Variants in PTGS2 observed in about 807,000 individuals in gnomAD.
The protein encoded by PTGS2 is prostaglandin-endoperoxide synthase 2.
A neutral mutation model predicts 63.8 loss-of-function variants in PTGS2; 14 were observed. The observed-to-expected ratio is 0.22, with a 90% confidence interval of 0.14 to 0.34. The LOEUF is 0.34. PTGS2 is among the 10% of genes least tolerant of loss of function. The probability of loss-of-function intolerance (pLI) is 1.00; values close to 1 mark genes in which losing one functional copy is unlikely to be tolerated. For missense variants in PTGS2, 533 were observed against 738.5 expected (o/e 0.72, Z 3.23); for synonymous variants, 271 against 259.5 (o/e 1.04, Z -0.43).
chr1:186,680,103 A>C (rs1489356577), intron 1 of PTGS2, 136 bp downstream of exon 1: 17 of 1,351,698 alleles, frequency 1.3e-5, no homozygotes, highest in Non-Finnish European at 1.5e-5. Flanking sequence ...CTAGCGGTCC[A>C]AGCTCTTTCC....
intron 8 of PTGS2, 38 bp downstream of exon 8, chr1:186,675,860 A>T (rs779482949): frequency 6.4e-7 from 1 of 1,554,458 alleles, no homozygotes. Context: ...AAAGTTACTG[A>T]CTAGTCTTTT....
chr1:186,675,973 G>A lies in PTGS2; in HGVS notation c.1182C>T (p.Ile394=). ...GTTCCAGCAATATAGAGTTGTTGTAGATAAACTGTTGATAGTTGTATTTCT... is the reference window on the plus strand; with the variant it reads ...GTTCCAGCAATATAGAGTTGTTGTAAATAAACTGTTGATAGTTGTATTTCT... ...HDQKYNYQQF[I]YNNSILLEHG... is the part of the protein sequence containing the mutation. Residue 394 remains isoleucine, a synonymous_variant, in exon 8 of 10, where the codon ATC becomes ATT. Coordinates refer to ENST00000367468, the MANE Select transcript of PTGS2 (RefSeq NM_000963.4). 3 of 1,614,020 alleles carry A rather than the reference G, an allele frequency of 1.9e-6. No individual in the cohort carries two copies. The South Asian group carries it at 3.3e-5, about 18-fold the overall frequency.
intron 4 of PTGS2, 48 bp downstream of exon 4, chr1:186,678,213 C>A (rs201605778): frequency 6.7e-7 from 1 of 1,487,994 alleles, no homozygotes; most frequent in South Asian, 1.4e-5. Flanking sequence ...GGCAGCAATG[C>A]AGCCCGTCTT....
rs772624685 is a variant in PTGS2, at chr1:186,675,342, T to C, written c.1312A>G (p.Ile438Val). The C allele has an allele frequency of 3.1e-6, 5 of 1,614,108 alleles. No homozygotes were observed. In the East Asian group the frequency reaches 8.9e-5, roughly 29 times the overall value. Reference sequence around the variant, plus strand: ...TATTTCATCTGCCTGCTCTGGTCAATGGAAGCCTGTGATACTTTCTGTACT... The same window carrying C: ...TATTTCATCTGCCTGCTCTGGTCAACGGAAGCCTGTGATACTTTCTGTACT... ...PAVQKVSQAS[I>V]DQSRQMKYQS... Residue 438 changes from isoleucine (I) to valine (V), a missense_variant, in exon 9 of 10, where the codon ATT (isoleucine) becomes GTT (valine). Ile to Val is a conservative substitution (Grantham distance 29). Transcript: ENST00000367468.
intron 4 of PTGS2, 63 bp from the exon 5 acceptor site, chr1:186,677,893 G>C: frequency 6.9e-7 from 1 of 1,456,558 alleles, no homozygotes; most frequent in South Asian, 1.3e-5. Context: ...GATGGTGACT[G>C]TCAATCTACC....
Position 186,676,623 on chromosome 1 carries a change from C to T in PTGS2, c.814G>A (p.Ala272Thr). The T allele has an allele frequency of 6.2e-7, 1 of 1,614,156 alleles. No individual in the cohort carries two copies. The highest frequency in any genetic ancestry group is 8.5e-7 in the Non-Finnish European group (1 of 1,180,038). Residue 272 changes from alanine (A) to threonine (T), a missense_variant, in exon 7 of 10, where the codon GCT (alanine) becomes ACT (threonine). Ala to Thr is a moderately conservative substitution (Grantham distance 58). Coordinates refer to ENST00000367468, the MANE Select transcript of PTGS2 (RefSeq NM_000963.4). ...AGACCAAAGACCTCCTGCCCCACAG[C>T]AAACCGTAGATGCTCAGGGACTTGA... ...PPQVPEHLRF[A>T]VGQEVFGLVP...
Position 186,676,913 on chromosome 1 carries a change from C to T in PTGS2, c.643G>A (p.Asp215Asn). The T allele has an allele frequency of 1.2e-6, 2 of 1,602,152 alleles. No homozygotes were observed. Among genetic ancestry groups the T allele is most frequent in the Non-Finnish European group, 1.7e-6 (2 of 1,175,348 alleles). The change falls in exon 6 of 10, where the codon GAC becomes AAC. Residue 215 changes from aspartate (D) to asparagine (N), a missense_variant. Physicochemically the swap from Asp to Asn is conservative, Grantham distance 23. Transcript: ENST00000367468. ...GTTTCACCGTAAATATGATTTAAGT[C>T]CACCTAGAAAATGATGAAAAAATTT... is the stretch of plus-strand genomic sequence containing the variant. ...AFTNGLGHGV[D>N]LNHIYGETLA... is the part of the protein sequence containing the mutation.
intron 9 of PTGS2, 43 bp downstream of exon 9, chr1:186,675,206 A>C (rs1475411370): frequency 6.3e-7 from 1 of 1,596,716 alleles, no homozygotes; most frequent in Non-Finnish European, 8.5e-7. Context: ...ACAAAAACAA[A>C]CAAACAAACA....
intron 1 of PTGS2, 128 bp from the exon 2 acceptor site, chr1:186,679,566 A>G: frequency 2.8e-6 from 2 of 716,038 alleles, no homozygotes; most frequent in South Asian, 3.8e-5. Flanking sequence ...TCATGGAAAT[A>G]CAATTTTTTA....
In PTGS2 at chr1:186,677,630, G is replaced by A. The variant is rs375719557; in HGVS notation, c.639+19C>T. The A allele has an allele frequency of 1.3e-6, 2 of 1,577,878 alleles. No homozygotes were observed. The highest frequency in any genetic ancestry group is 1.7e-6 in the Non-Finnish European group (2 of 1,162,244). ...TTTGGTATAATTTTACTAACTCTAAGATATTAACTCTATCTTACCCCATGG... is the reference window on the plus strand; with the variant it reads ...TTTGGTATAATTTTACTAACTCTAAAATATTAACTCTATCTTACCCCATGG... On this transcript the variant is annotated intron_variant, in intron 5 of 9. Coordinates refer to ENST00000367468, the MANE Select transcript of PTGS2 (RefSeq NM_000963.4).
chr1:186,679,271 A>G (rs758937605), intron 2 of PTGS2, 51 bp downstream of exon 2: 15 of 1,613,024 alleles, frequency 9.3e-6, no homozygotes, highest in Middle Eastern at 1.6e-4. Flanking sequence ...CTATACAATG[A>G]TAACTGTATC....
rs1462305634 is a variant in PTGS2, at chr1:186,676,160, T to G, written c.995A>C (p.Glu332Ala). ...LIGETIKIVIEDYVQHLSGYH... is the reference protein window; with the variant it reads ...LIGETIKIVIADYVQHLSGYH... Reference sequence around the variant, plus strand: ...GCCACTCAAGTGTTGCACATAATCTTCAATCACAATCTTAATAGTCTCTCC... The same window carrying G: ...GCCACTCAAGTGTTGCACATAATCTGCAATCACAATCTTAATAGTCTCTCC... The change falls in exon 8 of 10, where the codon GAA (glutamate) becomes GCA (alanine). Residue 332 changes from glutamate to alanine, a missense_variant. Coordinates refer to ENST00000367468, the MANE Select transcript of PTGS2 (RefSeq NM_000963.4). The G allele has an allele frequency of 1.2e-6, 2 of 1,612,528 alleles. No homozygotes were observed. The highest frequency in any genetic ancestry group is 3.3e-5 in the Admixed American group (2 of 59,940).
chr1:186,677,155 A>G (rs775143480), intron 5 of PTGS2, among the ~76,000 whole-genome samples: 8 of 152,102 alleles, frequency 5.3e-5, no homozygotes, highest in African/African-American at 1.2e-4. Context: ...CTTATATCAT[A>G]TATATTATAT....
chr1:186,675,784 A>C, intron 8 of PTGS2, 114 bp downstream of exon 8: 1 of 1,089,324 alleles, frequency 9.2e-7, no homozygotes, highest in Non-Finnish European at 1.3e-6. Flanking sequence ...AAATAATTTT[A>C]CTAGCAATAT....
Position 186,674,461 on chromosome 1 carries a change from T to C in PTGS2, c.1707A>G (p.Pro569=). 1.2e-6 allele frequency: 2 copies of C among 1,614,186 alleles called. No individual in the cohort carries two copies. Among genetic ancestry groups the C allele is most frequent in the Middle Eastern group, 1.6e-4 (1 of 6,062 alleles). Residue 569 remains proline, a synonymous_variant, in exon 10 of 10, where the codon CCA becomes CCG. Coordinates refer to ENST00000367468, the MANE Select transcript of PTGS2 (RefSeq NM_000963.4). ...TGACTGTTTTAATGAGCTCTGGATCTGGAACACTGAATGAAGTAAAGGGAC... is the reference window on the plus strand; with the variant it reads ...TGACTGTTTTAATGAGCTCTGGATCCGGAACACTGAATGAAGTAAAGGGAC... ...KGCPFTSFSV[P]DPELIKTVTI... is the part of the protein sequence containing the mutation.
chr1:186,675,518 C>G (rs1665764102), intron 8 of PTGS2, 122 bp from the exon 9 acceptor site: 6 of 1,131,994 alleles, frequency 5.3e-6, no homozygotes, highest in Non-Finnish European at 7.4e-6. Flanking sequence ...TTTTTATTTG[C>G]TGGAAAGATG....
chr1:186,678,425 AATG>A (rs1299507509), intron 3 of PTGS2, 21 bp from the exon 4 acceptor site: 7 of 1,572,258 alleles, frequency 4.5e-6, no homozygotes. Flanking sequence ...CAAAGAAAAA[AATG>A]TTTTATTTAT....
In PTGS2 at chr1:186,675,929, A is replaced by G; in HGVS notation, c.1226T>C (p.Val409Ala). The part of the protein sequence containing the change: ...ILLEHGITQF[V>A]ESFTRQIAGR... ...AGCAATTTGCCTGGTGAATGATTCA[A>G]CAAACTGGGTAATTCCATGTTCCAG... Residue 409 changes from valine (V) to alanine (A), a missense_variant, in exon 8 of 10, where the codon GTT becomes GCT. This residue lies in a region of PTGS2 where 219 missense variants were observed against 267.4 expected (regional missense o/e 0.82). Coordinates refer to ENST00000367468, the MANE Select transcript of PTGS2 (RefSeq NM_000963.4). 6.2e-7 allele frequency: 1 copy of G among 1,613,036 alleles called. No homozygotes were observed. Among genetic ancestry groups the G allele is most frequent in the Non-Finnish European group, 8.5e-7 (1 of 1,179,178 alleles).
chr1:186,676,368 T>C, intron 7 of PTGS2, 99 bp downstream of exon 7: 1 of 1,496,048 alleles, frequency 6.7e-7, no homozygotes, highest in Non-Finnish European at 9.0e-7. Context: ...GTGTGAGTTT[T>C]CATTTACCAC....
Sources: gnomAD v4.1 joint callset for allele counts (sites outside exome capture counted in the v4.1 genomes callset) on GRCh38, gnomAD v4.1.1 for gene constraint, gnomAD v4.1.1 regional missense constraint, MANE v1.5 for transcripts, NCBI Gene and HGNC (gene_info 2026-07-23, HGNC 2026-07-21) for gene names.